The following GALNT3 variants were observed in gnomAD, a reference collection of about 807,000 sequenced individuals.
The protein encoded by GALNT3 is GalNAc transferase 3.
A neutral mutation model predicts 69.8 loss-of-function variants in GALNT3; 51 were observed. The ratio of observed to expected loss-of-function variants is 0.73; its 90% CI spans 0.58 to 0.92. The LOEUF (loss-of-function observed/expected upper bound fraction) is 0.92, where lower values mean the gene tolerates loss of function less well. Ranked by LOEUF, GALNT3 falls within the 40% of genes least tolerant of loss-of-function variation. The probability of loss-of-function intolerance (pLI) is 0.00; values close to 1 mark genes in which losing one functional copy is unlikely to be tolerated. For synonymous variants in GALNT3, 265 were observed against 248.5 expected (o/e 1.07, Z -0.63); for missense variants, 711 against 760.0 (o/e 0.94, Z 0.76).
chr2:165,768,936 A>G (rs1004301175), intron 2 of GALNT3, among the ~76,000 whole-genome samples: 22 of 151,380 alleles, frequency 1.5e-4, no homozygotes, highest in African/African-American at 5.3e-4. Flanking sequence ...CTGGGACTAC[A>G]GGCACACGGC....
At chr2:165,790,559 A>G (rs972967482) in intron 1 of GALNT3, among the ~76,000 whole-genome samples, 1 of 152,208 alleles carries the variant, frequency 6.6e-6, no homozygotes, top group African/African-American at 2.4e-5. Flanking sequence ...TTGATGGACT[A>G]AAGAACTGAA....
chr2:165,774,909 C>CTTTTTTTT (rs71031204), intron 1 of GALNT3, among the ~76,000 whole-genome samples: 73 of 104,374 alleles, frequency 7.0e-4, no homozygotes, highest in East Asian at 1.1e-3. Flanking sequence ...CTTCTTCTCT[C>CTTTTTTTT]TTTTTTTTTT....
intron 1 of GALNT3, among the ~76,000 whole-genome samples, chr2:165,782,198 T>C (rs1239038976): frequency 6.6e-6 from 1 of 152,162 alleles, no homozygotes; most frequent in Non-Finnish European, 1.5e-5. Context: ...TCTGATTTAC[T>C]ATCTTTGAAG....
intron 1 of GALNT3, among the ~76,000 whole-genome samples, chr2:165,789,179 C>T (rs562297878): frequency 5.9e-5 from 9 of 152,126 alleles, no homozygotes; most frequent in Non-Finnish European, 1.2e-4. Flanking sequence ...ACAAATATAC[C>T]ACTCACAGCC....
At chr2:165,792,039 T>C (rs1683365695) in intron 1 of GALNT3, among the ~76,000 whole-genome samples, 1 of 152,080 alleles carries the variant, frequency 6.6e-6, no homozygotes, top group African/African-American at 2.4e-5. Flanking sequence ...GAGTCATGAG[T>C]CAAGCCACTG....
chr2:165,777,873 C>G (rs1280286486), intron 1 of GALNT3, among the ~76,000 whole-genome samples: 2 of 152,154 alleles, frequency 1.3e-5, no homozygotes, highest in Non-Finnish European at 2.9e-5. Flanking sequence ...AAACTAAGAA[C>G]AGCTTTCTGA....
chr2:165,766,009 C>T (rs1487748362), intron 2 of GALNT3, among the ~76,000 whole-genome samples: 14 of 152,100 alleles, frequency 9.2e-5, no homozygotes, highest in Admixed American at 9.2e-4. Context: ...GAACTCCTGA[C>T]CTCAAGCAAT....
rs146521644 is a variant in GALNT3 at position 165,749,816 on chromosome 2, C to T, written c.1705G>A (p.Val569Ile). ...ELCLHAAQGL[V>I]QLKACTYKGH... ...TTGTAGGTACATGCCTTCAGCTGAA[C>T]GAGACCTTGAGCAGCATGAAGACAT... Residue 569 changes from valine (V) to isoleucine (I), a missense_variant, in exon 10 of 11, where the codon GTT becomes ATT. By Grantham distance (29) the Val-to-Ile change is conservative (BLOSUM62 3). Coordinates refer to ENST00000392701, the MANE Select transcript of GALNT3 (RefSeq NM_004482.4). 9.2e-3 allele frequency: 14,791 copies of T among 1,613,544 alleles called. 101 individuals carry two copies. The highest frequency in any genetic ancestry group is 0.011 in the Non-Finnish European group (13,212 of 1,179,568).
chr2:165,776,869 C>T (rs541873769), intron 1 of GALNT3, among the ~76,000 whole-genome samples: 2 of 152,244 alleles, frequency 1.3e-5, no homozygotes, highest in South Asian at 4.1e-4. Context: ...TAGACTACAG[C>T]TTCTCAAACT....
At chr2:165,780,117 T>C (rs1171219711) in intron 1 of GALNT3, among the ~76,000 whole-genome samples, 1 of 152,152 alleles carries the variant, frequency 6.6e-6, no homozygotes, top group Admixed American at 6.5e-5. Flanking sequence ...GGGGAAGCCA[T>C]GTTGCTGAGC....
rs1688735567 is a variant in GALNT3, at chr2:165,770,628, C to T, written c.73G>A (p.Ala25Thr). Residue 25 changes from alanine (A) to threonine (T), a missense_variant, in exon 2 of 11, where the codon GCA (alanine) becomes ACA (threonine). Ala to Thr is a moderately conservative substitution (Grantham distance 58). Transcript: ENST00000392701. ...HYHKKFWKLG[A>T]VIFFFIIVLV... The stretch of plus-strand genomic sequence containing the variant: ...ACTATTATAAAGAAAAAAATTACTG[C>T]ACCAAGCTTCCAGAACTTTTTATGG... 1 of 1,601,716 alleles carries T rather than the reference C, an allele frequency of 6.2e-7. No individual in the cohort carries two copies. The highest frequency in any genetic ancestry group is 1.3e-5 in the African/African-American group (1 of 74,114).
intron 2 of GALNT3, among the ~76,000 whole-genome samples, chr2:165,767,331 G>A (rs1688661435): frequency 6.6e-6 from 1 of 151,794 alleles, no homozygotes; most frequent in African/African-American, 2.4e-5. Context: ...GAAATTCTGA[G>A]TATAAGATTT....
At chr2:165,791,524 G>A (rs1683351174) in intron 1 of GALNT3, among the ~76,000 whole-genome samples, 1 of 152,030 alleles carries the variant, frequency 6.6e-6, no homozygotes, top group Non-Finnish European at 1.5e-5. Flanking sequence ...TCACATTGGA[G>A]TTTACAGAGT....
chr2:165,781,526 G>A (rs1683111802), intron 1 of GALNT3, among the ~76,000 whole-genome samples: 1 of 151,744 alleles, frequency 6.6e-6, no homozygotes, highest in African/African-American at 2.4e-5. Flanking sequence ...GAGCCCAGGA[G>A]GCAGAGGTTG....
chr2:165,776,032 A>G (rs984786728), intron 1 of GALNT3, among the ~76,000 whole-genome samples: 4 of 152,234 alleles, frequency 2.6e-5, no homozygotes, highest in African/African-American at 9.6e-5. Context: ...GATATAAATG[A>G]GGCACTGAGG....
chr2:165,754,898 A>G (rs1688418692), intron 8 of GALNT3, 34 bp downstream of exon 8: 1 of 1,608,210 alleles, frequency 6.2e-7, no homozygotes, highest in African/African-American at 1.3e-5. Context: ...GGCAAGGAGT[A>G]TATTAATTAA....
At chr2:165,772,684 G>T (rs1688774863) in intron 1 of GALNT3, among the ~76,000 whole-genome samples, 1 of 149,000 alleles carries the variant, frequency 6.7e-6, no homozygotes, top group Non-Finnish European at 1.5e-5. Flanking sequence ...GCAAAATCTT[G>T]AAATACAAGT....
At chr2:165,750,483 G>T (rs11686403) in intron 9 of GALNT3, among the ~76,000 whole-genome samples, 60,039 of 151,882 alleles carry the variant, frequency 0.4, 13,079 homozygotes, top group Non-Finnish European at 0.5. Flanking sequence ...CAAGTAATTC[G>T]TCCCTTAGCT....
rs534611820 is a variant in GALNT3, at chr2:165,754,666, T to C, written c.1587A>G (p.Pro529=). The change falls in exon 9 of 11, where the codon CCA becomes CCG. Residue 529 remains proline, a synonymous_variant. Transcript: ENST00000392701. ...GTCCATGACATGTATACATAATTAA[T>C]GGTTTGCCTCCTTGATTGTTTTCTC... ...DVGENNQGGK[P]LIMYTCHGLG... 14 of 1,613,674 alleles carry C rather than the reference T, an allele frequency of 8.7e-6. No individual in the cohort carries two copies. The highest frequency in any genetic ancestry group is 6.7e-5 in the Admixed American group (4 of 60,008).
Sources: allele counts gnomAD v4.1 joint callset (sites outside exome capture counted in the v4.1 genomes callset), GRCh38; gene constraint gnomAD v4.1.1; transcripts MANE v1.5; gene names NCBI Gene and HGNC (gene_info 2026-07-23, HGNC 2026-07-21).